Variants in SYT1 observed in about 807,000 individuals in gnomAD.
The protein encoded by SYT1 is synaptotagmin 1.
In SYT1, 8 loss-of-function variants were observed where a neutral mutation model predicts 44.8. The ratio of observed to expected loss-of-function variants is 0.18; its 90% CI spans 0.10 to 0.32. SYT1 has a LOEUF of 0.32. Ranked by LOEUF, SYT1 falls within the 10% of genes least tolerant of loss-of-function variation. The pLI is 1.00. For synonymous variants in SYT1, 154 were observed against 188.8 expected (o/e 0.82, Z 1.51); for missense variants, 286 against 509.3 (o/e 0.56, Z 4.22).
chr12:79,337,425 G>C (rs779883770), intron 8 of SYT1, among the ~76,000 whole-genome samples: 2 of 152,136 alleles, frequency 1.3e-5, no homozygotes, highest in African/African-American at 2.4e-5. Flanking sequence ...TCTTTGGATA[G>C]AACAACATCC....
intron 4 of SYT1, among the ~76,000 whole-genome samples, chr12:79,224,055 G>C (rs1052624913): frequency 6.6e-6 from 1 of 152,076 alleles, no homozygotes; most frequent in Non-Finnish European, 1.5e-5. Flanking sequence ...CTTTCATGTG[G>C]TTTCCTTAGC....
At chr12:79,120,773 G>A (rs1037928698) in intron 3 of SYT1, among the ~76,000 whole-genome samples, 1 of 152,088 alleles carries the variant, frequency 6.6e-6, no homozygotes, top group African/African-American at 2.4e-5. Context: ...GCAAAGCAGT[G>A]TTGACATCAT....
intron 8 of SYT1, among the ~76,000 whole-genome samples, chr12:79,340,773 A>G (rs1033885613): frequency 6.6e-6 from 1 of 152,194 alleles, no homozygotes; most frequent in South Asian, 2.1e-4. Flanking sequence ...GGACCCATAG[A>G]GATCTAAAGC....
At chr12:79,436,999 T>C (rs966065702) in intron 9 of SYT1, among the ~76,000 whole-genome samples, 10 of 152,108 alleles carry the variant, frequency 6.6e-5, no homozygotes, top group Admixed American at 5.9e-4. Context: ...TTCAGGGAAG[T>C]GGTGACTTTT....
intron 2 of SYT1, among the ~76,000 whole-genome samples, chr12:78,988,028 A>T (rs188498095): frequency 7.9e-5 from 12 of 152,236 alleles, no homozygotes; most frequent in Admixed American, 7.9e-4. Context: ...TATTCATTCA[A>T]CCAATATTTA....
chr12:79,428,165 G>A (rs1418110835), intron 9 of SYT1, among the ~76,000 whole-genome samples: 1 of 152,120 alleles, frequency 6.6e-6, no homozygotes, highest in East Asian at 1.9e-4. Context: ...TGGAAAGACT[G>A]GATGGTACAG....
intron 9 of SYT1, chr12:79,392,403 A>T (rs1440814906): frequency 6.6e-6 from 1 of 152,240 alleles, no homozygotes; most frequent in East Asian, 1.9e-4. Context: ...CAAAGATTAC[A>T]TTAAGAACAT....
At chr12:79,264,812 C>T (rs1878036613) in intron 4 of SYT1, among the ~76,000 whole-genome samples, 1 of 152,164 alleles carries the variant, frequency 6.6e-6, no homozygotes, top group African/African-American at 2.4e-5. Flanking sequence ...ACTGTGACTT[C>T]AAAGAACTAT....
At chr12:79,437,243 G>T (rs1055113006) in intron 9 of SYT1, among the ~76,000 whole-genome samples, 3 of 152,276 alleles carry the variant, frequency 2.0e-5, no homozygotes, top group Non-Finnish European at 4.4e-5. Context: ...AGGATAGTAT[G>T]ATCAAATATA....
At chr12:79,278,222 C>A (rs1368378761) in intron 4 of SYT1, among the ~76,000 whole-genome samples, 1 of 152,076 alleles carries the variant, frequency 6.6e-6, no homozygotes, top group Non-Finnish European at 1.5e-5. Flanking sequence ...TACTTCTCAT[C>A]AGCACATAGA....
At chr12:79,006,115 A>C (rs146218216) in intron 2 of SYT1, among the ~76,000 whole-genome samples, 106 of 152,312 alleles carry the variant, frequency 7.0e-4, no homozygotes, top group Middle Eastern at 6.8e-3. Context: ...TCTTCTAGGG[A>C]GGACCAAAAT....
chr12:78,953,637 T>C (rs1879077532), intron 1 of SYT1, among the ~76,000 whole-genome samples: 1 of 152,048 alleles, frequency 6.6e-6, no homozygotes, highest in Non-Finnish European at 1.5e-5. Context: ...CAATTTTTTG[T>C]AAAATTTGAA....
intron 4 of SYT1, among the ~76,000 whole-genome samples, chr12:79,281,306 T>A (rs942514500): frequency 2.6e-5 from 4 of 152,044 alleles, no homozygotes; most frequent in African/African-American, 4.8e-5. Context: ...GATATAGAGA[T>A]ATAGATAGAT....
intron 3 of SYT1, among the ~76,000 whole-genome samples, chr12:79,164,544 C>T (rs1871130978): frequency 6.6e-6 from 1 of 151,838 alleles, no homozygotes; most frequent in Non-Finnish European, 1.5e-5. Context: ...AGAGCATGCC[C>T]AGAAAAAAAC....
chr12:78,932,301 G>T (rs11111928), intron 1 of SYT1, among the ~76,000 whole-genome samples: 13,950 of 152,162 alleles, frequency 0.092, 946 homozygotes, highest in East Asian at 0.31. Context: ...TGGTGATGAG[G>T]GAGACATAAG....
At chr12:79,257,637 G>A (rs1216046685) in intron 4 of SYT1, among the ~76,000 whole-genome samples, 1 of 152,066 alleles carries the variant, frequency 6.6e-6, no homozygotes, top group African/African-American at 2.4e-5. Context: ...ACAGGCACCC[G>A]CCACAACCCC....
intron 1 of SYT1, among the ~76,000 whole-genome samples, chr12:78,924,916 C>T: frequency 6.6e-6 from 1 of 151,322 alleles, no homozygotes; most frequent in South Asian, 2.1e-4. Context: ...TGGGCTAGGT[C>T]TTCTTCTTGT....
At chr12:78,929,928 C>T (rs1877541924) in intron 1 of SYT1, among the ~76,000 whole-genome samples, 1 of 151,878 alleles carries the variant, frequency 6.6e-6, no homozygotes, top group South Asian at 2.1e-4. Flanking sequence ...ATGATGAGAA[C>T]AAAATTCAAT....
chr12:79,317,819 GT>G (rs1205828136), intron 8 of SYT1, among the ~76,000 whole-genome samples: 1 of 152,128 alleles, frequency 6.6e-6, no homozygotes, highest in African/African-American at 2.4e-5. Context: ...ACTGCTGTGG[GT>G]TTTTCCTTAG....
Sources: allele counts gnomAD v4.1 joint callset (sites outside exome capture counted in the v4.1 genomes callset), GRCh38; gene constraint gnomAD v4.1.1; transcripts MANE v1.5; gene names NCBI Gene and HGNC (gene_info 2026-07-23, HGNC 2026-07-21).